Variants in CDH7 observed in about 807,000 individuals in gnomAD.
CDH7 encodes cadherin 7.
A neutral mutation model predicts 71.8 loss-of-function variants in CDH7; 25 were observed. That is an observed-to-expected ratio of 0.35 (90% CI 0.25 to 0.49). The LOEUF (loss-of-function observed/expected upper bound fraction) is 0.49, where lower values mean the gene tolerates loss of function less well. Among genes scored for constraint, CDH7 ranks in the 20% least tolerant of loss-of-function variants. CDH7 has a pLI of 0.99. For missense variants in CDH7, 862 were observed against 974.6 expected (o/e 0.88, Z 1.54); for synonymous variants, 381 against 363.8 (o/e 1.05, Z -0.54).
chr18:65,866,318 A>AAAAAAC (rs1913754698), intron 11 of CDH7: 1 of 4,932 alleles, frequency 2.0e-4, no homozygotes, highest in Non-Finnish European at 4.5e-4. Flanking sequence ...AAAAAAACAA[A>AAAAAAC]AAAAAAAAAA....
Position 65,876,945 on chromosome 18 carries a change from C to T in CDH7, c.1865-3456C>T, listed in dbSNP as rs917105624. On this transcript the variant is annotated intron_variant, in intron 11 of 11. Coordinates refer to ENST00000397968, the MANE Select transcript of CDH7 (RefSeq NM_004361.5). ...TAGACCTAAATCTTTTCTTCTATTTCCACTCAGAAGTAGAGGTCATATGAC... is the reference window on the plus strand; with the variant it reads ...TAGACCTAAATCTTTTCTTCTATTTTCACTCAGAAGTAGAGGTCATATGAC... 4.6e-5 allele frequency among the ~76,000 whole-genome samples: 7 copies of T among 152,246 alleles called. No homozygotes were observed. In the East Asian group the frequency reaches 9.6e-4, roughly 21 times the overall value.
In CDH7 at chr18:65,830,625, G is replaced by A. The variant is rs531784223; in HGVS notation, c.981+5794G>A. Among the ~76,000 whole-genome samples the A allele has an allele frequency of 1.2e-3, 20 of 17,184 alleles. 1 individual carries two copies. The East Asian group carries it at 0.18, about 159-fold the overall frequency. 11.3% of individuals were successfully genotyped at this position (17,184 alleles called of 152,430 possible). ...CCTTCCCTTTCCTTCCCTTCCCTTC[G>A]CTTCCCCTTCCCTTCCTTCTTTCCT... On this transcript the variant is annotated intron_variant, in intron 6 of 11. Transcript: ENST00000397968.
chr18:65,773,429 A>C (rs1159555192), intron 2 of CDH7, among the ~76,000 whole-genome samples: 1 of 152,156 alleles, frequency 6.6e-6, no homozygotes, highest in African/African-American at 2.4e-5. Flanking sequence ...TCCTGAATAC[A>C]GAAATTCTTT....
At chr18:65,872,587 G>A (rs554492440) in intron 11 of CDH7, among the ~76,000 whole-genome samples, 1 of 151,982 alleles carries the variant, frequency 6.6e-6, no homozygotes, top group Admixed American at 6.6e-5. Context: ...CAAAATTCAA[G>A]CTCAGTTCAA....
chr18:65,838,051 A>T (rs930158030), intron 6 of CDH7, among the ~76,000 whole-genome samples: 1 of 149,840 alleles, frequency 6.7e-6, no homozygotes, highest in Middle Eastern at 3.6e-3. Flanking sequence ...CAGCCTCTCC[A>T]GTAGCTGGGA....
intron 1 of CDH7, among the ~76,000 whole-genome samples, chr18:65,751,906 C>A (rs529682001): frequency 2.0e-5 from 3 of 152,136 alleles, no homozygotes; most frequent in African/African-American, 7.2e-5. Flanking sequence ...TACCGCTTCA[C>A]GTTTTAGATC....
upstream of CDH7, chr18:65,750,629 T>C (rs1213017444): frequency 6.6e-6 from 1 of 152,098 alleles, no homozygotes; most frequent in African/African-American, 2.4e-5. Context: ...TTCGCGTTCT[T>C]TTCCAGTAGC....
chr18:65,815,465 A>G (rs1489574213), intron 4 of CDH7, among the ~76,000 whole-genome samples: 1 of 152,224 alleles, frequency 6.6e-6, no homozygotes, highest in African/African-American at 2.4e-5. Flanking sequence ...GTAATCCTAA[A>G]TGAATATTTT....
intron 2 of CDH7, among the ~76,000 whole-genome samples, chr18:65,801,176 A>G (rs1286711425): frequency 6.6e-6 from 1 of 152,158 alleles, no homozygotes. Flanking sequence ...CACAAGTCCC[A>G]ATAAGCCAGA....
chr18:65,770,946 C>T (rs752132848), intron 2 of CDH7, among the ~76,000 whole-genome samples: 5 of 152,246 alleles, frequency 3.3e-5, no homozygotes, highest in African/African-American at 7.2e-5. Context: ...TCTTTCTCAT[C>T]GTTCTGGCTG....
At chr18:65,822,872 AG>A in intron 5 of CDH7, among the ~76,000 whole-genome samples, 1 of 152,030 alleles carries the variant, frequency 6.6e-6, no homozygotes, top group South Asian at 2.1e-4. Flanking sequence ...CCAAGAAAAA[AG>A]AAAAAAAAAA....
At chr18:65,757,791 A>AT (rs72020881) in intron 1 of CDH7, among the ~76,000 whole-genome samples, 2,953 of 145,696 alleles carry the variant, frequency 0.02, 104 homozygotes, top group African/African-American at 0.068. Flanking sequence ...ATATATATAT[A>AT]TTTTTTTTTT....
intron 2 of CDH7, among the ~76,000 whole-genome samples, chr18:65,779,068 CTGTT>C (rs375076171): frequency 3.4e-5 from 4 of 115,964 alleles, no homozygotes; most frequent in South Asian, 3.0e-4. Context: ...AGTCAAATCA[CTGTT>C]TGTTTGTTTG....
intron 8 of CDH7, 33 bp from the exon 9 acceptor site, chr18:65,858,892 G>A: frequency 6.3e-7 from 1 of 1,598,972 alleles, no homozygotes; most frequent in Admixed American, 1.7e-5. Flanking sequence ...GATGGGCAAA[G>A]AGTAAATGAT....
At chr18:65,866,505 G>A (rs1913767288) in intron 11 of CDH7, 1 of 151,988 alleles carries the variant, frequency 6.6e-6, no homozygotes, top group African/African-American at 2.4e-5. Flanking sequence ...TTTAATGCTG[G>A]AAGGCATCCC....
At chr18:65,863,025 G>T in intron 11 of CDH7, 108 bp downstream of exon 11, 1 of 1,239,146 alleles carries the variant, frequency 8.1e-7, no homozygotes, top group Non-Finnish European at 1.1e-6. Flanking sequence ...ATATTCTACT[G>T]GATGGTGTTT....
chr18:65,843,015 G>A (rs1311461371), intron 6 of CDH7, among the ~76,000 whole-genome samples: 3 of 152,140 alleles, frequency 2.0e-5, no homozygotes, highest in South Asian at 2.1e-4. Flanking sequence ...CACAAACAAC[G>A]TCTACATGTT....
intron 1 of CDH7, among the ~76,000 whole-genome samples, chr18:65,761,225 G>A (rs116340991): frequency 0.028 from 4,285 of 152,132 alleles, 191 homozygotes; most frequent in African/African-American, 0.096. Context: ...ATTTTTAAAT[G>A]TATGCATTCA....
chr18:65,860,571 A>G (rs936576315), intron 10 of CDH7, among the ~76,000 whole-genome samples: 6 of 152,166 alleles, frequency 3.9e-5, no homozygotes, highest in Non-Finnish European at 8.8e-5. Context: ...GTTTTTATTC[A>G]AGATATTTAT....
Sources: allele counts gnomAD v4.1 joint callset (sites outside exome capture counted in the v4.1 genomes callset), GRCh38; gene constraint gnomAD v4.1.1; transcripts MANE v1.5; gene names NCBI Gene and HGNC (gene_info 2026-07-23, HGNC 2026-07-21).